TNFRSF9: variants seen among roughly 807,000 people sequenced by gnomAD.
TNFRSF9 encodes the protein TNF receptor superfamily member 9, also known as tumor necrosis factor receptor superfamily member 9.
A neutral mutation model predicts 28.8 loss-of-function variants in TNFRSF9; 16 were observed. The observed-to-expected ratio is 0.55, with a 90% confidence interval of 0.38 to 0.84. The LOEUF (loss-of-function observed/expected upper bound fraction) is 0.84. Ranked by LOEUF, TNFRSF9 falls within the 40% of genes least tolerant of loss-of-function variation. The pLI is 0.00. For missense variants in TNFRSF9, 303 were observed against 315.0 expected, an observed-to-expected ratio of 0.96 and a Z score of 0.29; for synonymous variants, 131 against 117.0, an observed-to-expected ratio of 1.12 and a Z score of -0.77.
At chr1:7,927,436 C>T (rs1236278626) in intron 7 of TNFRSF9, among the ~76,000 whole-genome samples, 1 of 152,092 alleles carries the variant, frequency 6.6e-6, no homozygotes, top group Non-Finnish European at 1.5e-5. Flanking sequence ...AGGCAAGGTG[C>T]CCCCTGACCC....
chr1:7,927,499 C>T (rs1019340534), intron 7 of TNFRSF9, among the ~76,000 whole-genome samples: 1 of 152,090 alleles, frequency 6.6e-6, no homozygotes, highest in Admixed American at 6.6e-5. Flanking sequence ...TTTTGCCCCC[C>T]TTTGTTCAGT....
intron 7 of TNFRSF9, among the ~76,000 whole-genome samples, chr1:7,923,064 G>A (rs1158584483): frequency 4.0e-5 from 6 of 151,602 alleles, no homozygotes; most frequent in East Asian, 2.0e-4. Flanking sequence ...CACCAGGCCC[G>A]GCTAATTTTT....
rs755927735 is a variant in TNFRSF9 at position 7,933,187 on chromosome 1, C to G, written c.654G>C (p.Lys218Asn). The stretch of plus-strand genomic sequence containing the variant: ...GTTGTTTGAATATATACAGGAGTTT[C>G]TTTCTGCCCCGTTTAACAACAGAGA... The part of the protein sequence containing the change: ...LRFSVVKRGR[K>N]KLLYIFKQPF... The change falls in exon 7 of 8, where the codon AAG becomes AAC. Residue 218 changes from lysine to asparagine, a missense_variant. Transcript: ENST00000377507. The G allele has an allele frequency of 2.2e-5, 36 of 1,613,694 alleles. No homozygotes were observed. The highest frequency in any genetic ancestry group is 2.8e-5 in the Non-Finnish European group (33 of 1,179,892).
intron 4 of TNFRSF9, 145 bp downstream of exon 4, chr1:7,938,043 ATATTT>A: frequency 1.7e-6 from 1 of 585,460 alleles, no homozygotes; most frequent in Non-Finnish European, 2.6e-6. Context: ...ATTAATTGAA[ATATTT>A]TATTAATTAA....
Position 7,933,083 on chromosome 1 carries a change from T to A in TNFRSF9, c.679+79A>T. On this transcript the variant is annotated intron_variant, in intron 7 of 7. Transcript: ENST00000377507. ...CTATATGAACCTCATTTCTAGAATT[T>A]TTTTTAAAATCATATTTTCCTTTCT... 3 of 1,505,976 alleles carry A rather than the reference T, an allele frequency of 2.0e-6. No homozygotes were observed. In the South Asian group the frequency reaches 4.0e-5, roughly 20 times the overall value. 93.3% of individuals were successfully genotyped at this position (1,505,976 alleles called of 1,614,324 possible).
At chr1:7,937,323 T>C (rs1329528111) in intron 5 of TNFRSF9, among the ~76,000 whole-genome samples, 2 of 152,178 alleles carry the variant, frequency 1.3e-5, no homozygotes, top group East Asian at 1.9e-4. Flanking sequence ...TGTGCCATTA[T>C]GCCTGGCTAA....
At chr1:7,935,252 T>C (rs896862421) in intron 5 of TNFRSF9, 109 bp from the exon 6 acceptor site, 77 of 1,280,140 alleles carry the variant, frequency 6.0e-5, no homozygotes, top group Non-Finnish European at 7.7e-5. Flanking sequence ...GAAAAAGATA[T>C]ATGGGTCTGG....
chr1:7,929,696 G>A (rs9658006), intron 7 of TNFRSF9, among the ~76,000 whole-genome samples: 6,920 of 152,182 alleles, frequency 0.045, 561 homozygotes, highest in African/African-American at 0.16. Context: ...GTGGGGAGAG[G>A]TAGAGGACCT....
At chr1:7,929,819 C>T (rs1199745493) in intron 7 of TNFRSF9, among the ~76,000 whole-genome samples, 3 of 152,132 alleles carry the variant, frequency 2.0e-5, no homozygotes, top group East Asian at 1.9e-4. Flanking sequence ...CAACTACACA[C>T]GCACACTGTG....
In TNFRSF9 at chr1:7,918,074, C is replaced by T. The variant is rs1198317769; in HGVS notation, c.*2761G>A. On this transcript the variant is annotated 3_prime_UTR_variant, in exon 8 of 8. Transcript: ENST00000377507. ...TCTTGGCTCGCTGCAACCTCTGCCT[C>T]CTGGGTTCAAGCGATTCTTCTGCCA... 1 of 152,016 alleles carries T rather than the reference C, an allele frequency of 6.6e-6. No individual in the cohort carries two copies. The highest frequency in any genetic ancestry group is 2.4e-5 in the African/African-American group (1 of 41,344). The allele number at this position is 152,016 out of a possible 1,614,324, so 9.4% of individuals were successfully genotyped here. A position where few individuals can be genotyped will look rare whatever the true frequency, so the allele number is the denominator to read the frequency against.
At chr1:7,932,302 T>G (rs193020751) in intron 7 of TNFRSF9, among the ~76,000 whole-genome samples, 2 of 152,234 alleles carry the variant, frequency 1.3e-5, no homozygotes, top group Non-Finnish European at 2.9e-5. Context: ...AAGCCTGTTA[T>G]GTCTCATCCT....
chr1:7,938,941 G>T, intron 2 of TNFRSF9, 113 bp from the exon 3 acceptor site: 1 of 666,008 alleles, frequency 1.5e-6, no homozygotes, highest in South Asian at 2.1e-5. Context: ...TTTTCTAGAT[G>T]CCACAGTGGT....
In TNFRSF9 at chr1:7,920,708, C is replaced by A; in HGVS notation, c.*127G>T. 2.8e-6 allele frequency: 2 copies of A among 725,542 alleles called. No homozygotes were observed. Among genetic ancestry groups the A allele is most frequent in the South Asian group, 1.8e-5 (1 of 55,034 alleles). 44.9% of individuals were successfully genotyped at this position (725,542 alleles called of 1,614,324 possible). A position where few individuals can be genotyped will look rare whatever the true frequency, so the allele number is the denominator to read the frequency against. On this transcript the variant is annotated 3_prime_UTR_variant, in exon 8 of 8. Coordinates refer to ENST00000377507, the MANE Select transcript of TNFRSF9 (RefSeq NM_001561.6). ...CAACTCATTGGCATTTAGAAAAGAA[C>A]GTGTGTTGGGGGAATCCTGGGTATT...
chr1:7,935,096 C>T lies in TNFRSF9; in HGVS notation c.461G>A (p.Arg154Lys), dbSNP rs1176319088. Reference sequence around the variant, plus strand: ...TGGAGATGGTCCACAGACCACGTCCCTCTCCTTCGTCCCATTCACAAGCAC... The same window carrying T: ...TGGAGATGGTCCACAGACCACGTCCTTCTCCTTCGTCCCATTCACAAGCAC... ...KSVLVNGTKE[R>K]DVVCGPSPAD... The change falls in exon 6 of 8, where the codon AGG (arginine) becomes AAG (lysine). Residue 154 changes from arginine (R) to lysine (K), a missense_variant. Coordinates refer to ENST00000377507, the MANE Select transcript of TNFRSF9 (RefSeq NM_001561.6). 1.2e-6 allele frequency: 2 copies of T among 1,614,238 alleles called. No homozygotes were observed. Among genetic ancestry groups the T allele is most frequent in the Non-Finnish European group, 1.7e-6 (2 of 1,180,038 alleles).
chr1:7,926,807 AC>A (rs1417876454), intron 7 of TNFRSF9, among the ~76,000 whole-genome samples: 1 of 152,238 alleles, frequency 6.6e-6, no homozygotes, highest in African/African-American at 2.4e-5. Context: ...TGACAAAGGT[AC>A]AATGAAGGAT....
Position 7,940,066 on chromosome 1 carries a change from C to T in TNFRSF9, c.-72G>A. ...GAATTTTAATCAAATTAGCTGGTCTCACAAATGTCACTCTGCAAAAGATAA... is the reference window on the plus strand; with the variant it reads ...GAATTTTAATCAAATTAGCTGGTCTTACAAATGTCACTCTGCAAAAGATAA... On this transcript the variant is annotated 5_prime_UTR_variant, in exon 2 of 8. Coordinates refer to ENST00000377507, the MANE Select transcript of TNFRSF9 (RefSeq NM_001561.6). 9.5e-7 allele frequency: 1 copy of T among 1,049,434 alleles called. No homozygotes were observed. The highest frequency in any genetic ancestry group is 1.6e-5 in the South Asian group (1 of 64,166). 65.0% of individuals were successfully genotyped at this position (1,049,434 alleles called of 1,614,324 possible).
intron 7 of TNFRSF9, 33 bp downstream of exon 7, chr1:7,933,129 G>T (rs1424428929): frequency 6.4e-7 from 1 of 1,559,822 alleles, no homozygotes; most frequent in Admixed American, 2.0e-5. Context: ...GCCTTGCCTT[G>T]CCAGAGCTGT....
In TNFRSF9 at chr1:7,917,631, G is replaced by A. The variant is rs1193450719; in HGVS notation, c.*3204C>T. On this transcript the variant is annotated 3_prime_UTR_variant, in exon 8 of 8. Coordinates refer to ENST00000377507, the MANE Select transcript of TNFRSF9 (RefSeq NM_001561.6). ...CCTCTTTATAGTATTGGGCAGAAAAGGATTTCTTTAGCCAGGCAAGAAAAA... is the reference window on the plus strand; with the variant it reads ...CCTCTTTATAGTATTGGGCAGAAAAAGATTTCTTTAGCCAGGCAAGAAAAA... 6.6e-6 allele frequency: 1 copy of A among 152,070 alleles called. No individual in the cohort carries two copies. The highest frequency in any genetic ancestry group is 1.5e-5 in the Non-Finnish European group (1 of 68,012). The allele number at this position is 152,070 out of a possible 1,614,324, so 9.4% of individuals were successfully genotyped here. A position where few individuals can be genotyped will look rare whatever the true frequency, so the allele number is the denominator to read the frequency against.
intron 6 of TNFRSF9, among the ~76,000 whole-genome samples, chr1:7,934,106 C>A (rs561537019): frequency 5.9e-5 from 9 of 151,940 alleles, no homozygotes; most frequent in South Asian, 2.1e-4. Context: ...CCAGGCGTGG[C>A]GGCTTATGCC....
Sources: allele counts gnomAD v4.1 joint callset (sites outside exome capture counted in the v4.1 genomes callset), GRCh38; gene constraint gnomAD v4.1.1; transcripts MANE v1.5; gene names NCBI Gene and HGNC (gene_info 2026-07-23, HGNC 2026-07-21).